Variants in ARHGEF18 observed in about 807,000 individuals in gnomAD.
ARHGEF18 encodes Rho/Rac guanine nucleotide exchange factor 18, also known as rho guanine nucleotide exchange factor 18.
ARHGEF18 carries 93 observed loss-of-function variants against 155.7 expected under a neutral mutation model. That is an observed-to-expected ratio of 0.60 (90% confidence interval 0.50 to 0.71). ARHGEF18 has a LOEUF of 0.71. Among genes scored for constraint, ARHGEF18 ranks in the 30% least tolerant of loss-of-function variants. The pLI, the probability that ARHGEF18 is intolerant of heterozygous loss-of-function variation, is 0.00. For synonymous variants in ARHGEF18, 742 were observed against 753.1 expected, an observed-to-expected ratio of 0.99 and a Z score of 0.24; for missense variants, 1,593 against 1,816.1, an observed-to-expected ratio of 0.88 and a Z score of 2.23.
chr19:7,472,702 G>C (rs1977096932), downstream of ARHGEF18: 2 of 292,144 alleles, frequency 6.8e-6, no homozygotes, highest in Admixed American at 4.6e-5. Context: ...TGTTTTTTTG[G>C]TTTGTTTGTT....
intron 10 of ARHGEF18, chr19:7,439,967 G>T: frequency 6.5e-7 from 1 of 1,535,752 alleles, no homozygotes; most frequent in Non-Finnish European, 8.8e-7. Flanking sequence ...CCAATATCCT[G>T]CCCTCCAGAC....
chr19:7,453,230 T>G (rs1975605382), intron 16 of ARHGEF18, among the ~76,000 whole-genome samples: 1 of 135,448 alleles, frequency 7.4e-6, no homozygotes, highest in Non-Finnish European at 1.6e-5. Context: ...AAACCTAAAC[T>G]CTGACGTGTT....
At chr19:7,350,530 G>A (rs1306319969) in intron 1 of ARHGEF18, among the ~76,000 whole-genome samples, 3 of 152,134 alleles carry the variant, frequency 2.0e-5, no homozygotes, top group East Asian at 1.9e-4. Flanking sequence ...CTGCAAACAC[G>A]TCGGTGCTTC....
At chr19:7,370,115 T>G (rs1600210606) in intron 2 of ARHGEF18, among the ~76,000 whole-genome samples, 1 of 151,758 alleles carries the variant, frequency 6.6e-6, no homozygotes, top group East Asian at 2.0e-4. Context: ...GAGAATCACT[T>G]GAACCCAGGA....
chr19:7,475,200 C>T (rs936194863), downstream of ARHGEF18, among the ~76,000 whole-genome samples: 9 of 152,198 alleles, frequency 5.9e-5, no homozygotes, highest in Non-Finnish European at 1.0e-4. Context: ...CCACCGCACT[C>T]CAGCCTAGGC....
At chr19:7,436,135 A>G (rs1170888326) in intron 10 of ARHGEF18, among the ~76,000 whole-genome samples, 2 of 151,414 alleles carry the variant, frequency 1.3e-5, no homozygotes. Context: ...GGGTTTACAT[A>G]TATTCCCATA....
intron 1 of ARHGEF18, among the ~76,000 whole-genome samples, chr19:7,351,067 G>A (rs923312860): frequency 3.3e-5 from 5 of 152,166 alleles, no homozygotes; most frequent in African/African-American, 7.2e-5. Flanking sequence ...GCCTCCCAAA[G>A]TGCTGGGATT....
chr19:7,385,443 C>CATCATT (rs368615512), intron 10 of ARHGEF18, among the ~76,000 whole-genome samples: 8 of 136,664 alleles, frequency 5.9e-5, no homozygotes, highest in Non-Finnish European at 1.1e-4. Context: ...CTGGGAACTT[C>CATCATT]ATTATTATTA....
chr19:7,474,756 T>TGTGA (rs747072803), downstream of ARHGEF18, among the ~76,000 whole-genome samples: 1 of 144,222 alleles, frequency 6.9e-6, no homozygotes, highest in Non-Finnish European at 1.5e-5. Context: ...GGCATTGGAG[T>TGTGA]GTGTGTGTGT....
At chr19:7,465,035 G>T (rs376235147) in intron 23 of ARHGEF18, among the ~76,000 whole-genome samples, 1 of 152,206 alleles carries the variant, frequency 6.6e-6, no homozygotes, top group African/African-American at 2.4e-5. Flanking sequence ...AGATGTCCCC[G>T]GCTATTCCTT....
chr19:7,397,222 T>A (rs1001797534), intron 10 of ARHGEF18, among the ~76,000 whole-genome samples: 3 of 152,104 alleles, frequency 2.0e-5, no homozygotes, highest in African/African-American at 7.2e-5. Context: ...ATAGCTTATT[T>A]AGTTTTTGTT....
Position 7,471,410 on chromosome 19 carries a change from G to T in ARHGEF18, c.*1112G>T, listed in dbSNP as rs907360316. 6.6e-6 allele frequency: 1 copy of T among 152,376 alleles called. No homozygotes were observed. Among genetic ancestry groups the T allele is most frequent in the African/African-American group, 2.4e-5 (1 of 41,450 alleles). The allele number at this position is 152,376 out of a possible 1,614,324, so 9.4% of individuals were successfully genotyped here. A position where few individuals can be genotyped will look rare whatever the true frequency, so the allele number is the denominator to read the frequency against. On this transcript the variant is annotated 3_prime_UTR_variant, in exon 29 of 29. Coordinates refer to ENST00000668164, the MANE Select transcript of ARHGEF18 (RefSeq NM_001367823.1). This position sits in a 1 kb window ranked among gnomAD's most constrained non-coding sequence, Gnocchi z 4.4. ...GTGCTGGGACATCCCAGGGTGGTGA[G>T]ATCCATCCACGATCCAGCTCCGGTG... is the stretch of plus-strand genomic sequence containing the variant.
In ARHGEF18 at chr19:7,392,223, A is replaced by G. The variant is rs1404731357; in HGVS notation, c.967+9020A>G. ...ACCACTGCACTCCAGCTTGGGCAAC[A>G]GAGTGAGACTCCGTCTCAAAAAAAA... is the stretch of plus-strand genomic sequence containing the variant. On this transcript the variant is annotated intron_variant, in intron 10 of 28. Transcript: ENST00000668164. 4.9e-5 allele frequency among the ~76,000 whole-genome samples: 7 copies of G among 141,618 alleles called. No individual in the cohort carries two copies. In the East Asian group the frequency reaches 1.5e-3, roughly 31 times the overall value. 92.9% of individuals were successfully genotyped at this position (141,618 alleles called of 152,430 possible). A position where few individuals can be genotyped will look rare whatever the true frequency, so the allele number is the denominator to read the frequency against.
chr19:7,472,199 TCA>T lies in ARHGEF18; in HGVS notation c.*1902_*1903del, dbSNP rs560854893. The T allele has an allele frequency of 3.0e-4, 46 of 152,418 alleles. No homozygotes were observed. Among genetic ancestry groups the T allele is most frequent in the African/African-American group, 1.1e-3 (46 of 41,592 alleles). 9.4% of individuals were successfully genotyped at this position (152,418 alleles called of 1,614,324 possible). A position where few individuals can be genotyped will look rare whatever the true frequency, so the allele number is the denominator to read the frequency against. ...GTCCCCGCCATGTGGCAGAGGGGTC[TCA>T]GTCGTGCTAGGCATCGGGCGGCAGC... On this transcript the variant is annotated 3_prime_UTR_variant, in exon 29 of 29. Transcript: ENST00000668164.
chr19:7,371,064 C>T (rs1282318131), intron 2 of ARHGEF18, among the ~76,000 whole-genome samples: 1 of 152,104 alleles, frequency 6.6e-6, no homozygotes, highest in African/African-American at 2.4e-5. Context: ...GAGCCTCCCA[C>T]CATGCCCAGC....
In ARHGEF18 at chr19:7,467,300, G is replaced by A. The variant is rs745375916; in HGVS notation, c.3096G>A (p.Thr1032=). The stretch of plus-strand genomic sequence containing the variant: ...AGAAGCAGTTCCGGCTGCAGTCGAC[G>A]CGTGGGAACCTGCTGCTGGAGCAGG... ...EREKQFRLQS[T]RGNLLLEQER... is the part of the protein sequence containing the mutation. The change falls in exon 26 of 29, where the codon ACG becomes ACA. Residue 1032 remains threonine, a synonymous_variant. Coordinates refer to ENST00000668164, the MANE Select transcript of ARHGEF18 (RefSeq NM_001367823.1). 138 of 1,542,830 alleles carry A rather than the reference G, an allele frequency of 8.9e-5. No individual in the cohort carries two copies. The highest frequency in any genetic ancestry group is 1.1e-4 in the Non-Finnish European group (132 of 1,148,102).
At position 7,380,044 on chromosome 19, in the gene ARHGEF18, G is replaced by A. The variant is rs559346989; in HGVS notation, c.645-873G>A. Among the ~76,000 whole-genome samples the A allele has an allele frequency of 3.3e-5, 5 of 151,342 alleles. No individual in the cohort carries two copies. In the East Asian group the frequency reaches 9.7e-4, roughly 29 times the overall value. On this transcript the variant is annotated intron_variant, in intron 7 of 28. Coordinates refer to ENST00000668164, the MANE Select transcript of ARHGEF18 (RefSeq NM_001367823.1). ...TAGCTGGGCGTGGTGGCACATACCTGTAGTCCCCAGCTACTCTGGGGGGTG... is the reference window on the plus strand; with the variant it reads ...TAGCTGGGCGTGGTGGCACATACCTATAGTCCCCAGCTACTCTGGGGGGTG...
intron 2 of ARHGEF18, among the ~76,000 whole-genome samples, chr19:7,370,908 T>C (rs1016768392): frequency 4.0e-5 from 6 of 151,118 alleles, no homozygotes; most frequent in South Asian, 4.1e-4. Flanking sequence ...CGCTTTTTTT[T>C]TTTCTTTCTT....
At chr19:7,382,527 G>GACA (rs1970798449) in intron 8 of ARHGEF18, among the ~76,000 whole-genome samples, 1 of 152,050 alleles carries the variant, frequency 6.6e-6, no homozygotes, top group East Asian at 1.9e-4. Flanking sequence ...AGGCATTGAG[G>GACA]GACCTCAAAC....
Sources: gnomAD v4.1 joint callset for allele counts (sites outside exome capture counted in the v4.1 genomes callset) on GRCh38, gnomAD v4.1.1 for gene constraint, Gnocchi (gnomAD v3.1) non-coding constraint, MANE v1.5 for transcripts, NCBI Gene and HGNC (gene_info 2026-07-23, HGNC 2026-07-21) for gene names.